CFAP47: variants seen among roughly 807,000 people sequenced by gnomAD.
CFAP47 encodes the protein cilia and flagella associated protein 47.
CFAP47 carries 29 observed loss-of-function variants against 148.1 expected under a neutral mutation model. The ratio of observed to expected loss-of-function variants is 0.20; its 90% CI spans 0.15 to 0.27. The LOEUF (loss-of-function observed/expected upper bound fraction) is 0.27. Ranked by LOEUF, CFAP47 falls within the 10% of genes least tolerant of loss-of-function variation. CFAP47 has a pLI of 1.00. For missense variants in CFAP47, 1,872 were observed against 1,697.5 expected, an observed-to-expected ratio of 1.10 and a Z score of -1.81; for synonymous variants, 664 against 577.3, an observed-to-expected ratio of 1.15 and a Z score of -2.15.
intron 40 of CFAP47, 69 bp from the exon 41 acceptor site, chrX:36,188,551 C>G (rs1237632840): frequency 6.9e-6 from 2 of 291,416 alleles, no homozygotes; most frequent in South Asian, 2.1e-4. Flanking sequence ...TATGATTTAA[C>G]TAATATGAAG....
chrX:36,139,137 GA>G (rs1266803015), intron 35 of CFAP47, among the ~76,000 whole-genome samples: 2 of 111,431 alleles, frequency 1.8e-5, no homozygotes, highest in East Asian at 2.8e-4. Flanking sequence ...AATGGTCTAT[GA>G]AAAAAATGAA....
intron 30 of CFAP47, among the ~76,000 whole-genome samples, chrX:36,096,761 G>A (rs1938286299): frequency 9.1e-6 from 1 of 109,857 alleles, no homozygotes; most frequent in Non-Finnish European, 1.9e-5. Flanking sequence ...GTTTCTTGCG[G>A]CAACAGATCA....
chrX:36,008,279 C>T (rs186261124), intron 21 of CFAP47, among the ~76,000 whole-genome samples: 62 of 111,722 alleles, frequency 5.5e-4, no homozygotes, highest in African/African-American at 1.6e-3. Flanking sequence ...AGTGTCCCTA[C>T]GCTTCTATAA....
chrX:36,368,674 T>A (rs1444495667), intron 62 of CFAP47, among the ~76,000 whole-genome samples: 1 of 111,504 alleles, frequency 9.0e-6, no homozygotes, highest in African/African-American at 3.2e-5. Context: ...ACTAAATACC[T>A]GTGGGACTTT....
intron 57 of CFAP47, among the ~76,000 whole-genome samples, chrX:36,326,947 A>T (rs1239924700): frequency 9.0e-6 from 1 of 111,516 alleles, no homozygotes; most frequent in Non-Finnish European, 1.9e-5. Flanking sequence ...CCATATACAA[A>T]AATTAACGCA....
At chrX:36,169,616 C>A (rs1465785654) in intron 39 of CFAP47, among the ~76,000 whole-genome samples, 1 of 111,062 alleles carries the variant, frequency 9.0e-6, no homozygotes, top group Non-Finnish European at 1.9e-5. Flanking sequence ...CTAATTGGTT[C>A]TTTTGTATCA....
intron 1 of CFAP47, among the ~76,000 whole-genome samples, chrX:35,920,797 C>T (rs1935565814): frequency 2.7e-5 from 3 of 111,590 alleles, no homozygotes; most frequent in South Asian, 7.4e-4. Context: ...CAATAAATAA[C>T]TGAAAACTTC....
intron 26 of CFAP47, among the ~76,000 whole-genome samples, chrX:36,063,020 T>A (rs1937606786): frequency 8.9e-6 from 1 of 112,021 alleles, no homozygotes. Flanking sequence ...AACATTCACA[T>A]CGTATCTTTG....
intron 22 of CFAP47, among the ~76,000 whole-genome samples, chrX:36,024,921 G>A (rs972446620): frequency 9.0e-6 from 1 of 110,799 alleles, no homozygotes; most frequent in African/African-American, 3.3e-5. Context: ...TTGCAGGGAG[G>A]ACCTTCTGTT....
intron 22 of CFAP47, among the ~76,000 whole-genome samples, chrX:36,026,767 A>T (rs1937221550): frequency 9.1e-6 from 1 of 110,284 alleles, no homozygotes; most frequent in African/African-American, 3.3e-5. Context: ...GTTAACAAAA[A>T]ACTCTGATCA....
At chrX:36,086,842 G>A (rs1447970246) in intron 30 of CFAP47, among the ~76,000 whole-genome samples, 1 of 110,701 alleles carries the variant, frequency 9.0e-6, no homozygotes, top group Non-Finnish European at 1.9e-5. Flanking sequence ...CACTGGAGAG[G>A]CAGAAGAGTG....
chrX:36,233,471 A>T (rs375655675), intron 46 of CFAP47, among the ~76,000 whole-genome samples: 2 of 110,730 alleles, frequency 1.8e-5, no homozygotes, highest in African/African-American at 6.6e-5. Flanking sequence ...GGCTTGGTAG[A>T]TCTTCCTCCA....
chrX:36,165,789 T>C (rs1364921439), intron 39 of CFAP47, among the ~76,000 whole-genome samples: 1 of 111,485 alleles, frequency 9.0e-6, no homozygotes, highest in East Asian at 2.8e-4. Flanking sequence ...GGCCTACAGA[T>C]AGTTGTCTCC....
intron 48 of CFAP47, among the ~76,000 whole-genome samples, chrX:36,241,959 C>T (rs1366304016): frequency 9.0e-6 from 1 of 111,530 alleles, no homozygotes; most frequent in East Asian, 2.8e-4. Flanking sequence ...CCTCTCCCAC[C>T]ACAGAGCACA....
At chrX:35,985,545 T>A (rs1936702979) in intron 15 of CFAP47, among the ~76,000 whole-genome samples, 1 of 110,874 alleles carries the variant, frequency 9.0e-6, no homozygotes, top group South Asian at 3.8e-4. Context: ...TGGTCTGCTA[T>A]AGTTCCTTGA....
chrX:36,211,557 G>A, intron 45 of CFAP47: 1 of 306,213 alleles, frequency 3.3e-6, no homozygotes, highest in South Asian at 3.4e-5. Context: ...AAAGAAGGCT[G>A]TGAAGCTGAA....
chrX:36,243,886 T>C (rs782200882), intron 48 of CFAP47, among the ~76,000 whole-genome samples: 1 of 108,747 alleles, frequency 9.2e-6, no homozygotes, highest in African/African-American at 3.3e-5. Flanking sequence ...TTGGACCTAA[T>C]AGAAAGCTAT....
intron 10 of CFAP47, among the ~76,000 whole-genome samples, 188 bp downstream of exon 10, chrX:35,968,020 GTGTT>G (rs1387587986): frequency 9.1e-6 from 1 of 110,045 alleles, no homozygotes; most frequent in Non-Finnish European, 1.9e-5. Flanking sequence ...GAATGCCACT[GTGTT>G]TGTTTTCGGT....
Position 35,951,877 on chromosome X carries a change from T to C in CFAP47, c.960T>C (p.Asp320=). Residue 320 remains aspartate, a synonymous_variant, in exon 6 of 64, where the codon GAT becomes GAC. Transcript: ENST00000378653. ...ACATAAGAAAAATAAAGAACATAGA[T>C]ACTACTATCATTATCTCCTGTCTTC... The part of the protein sequence containing the change: ...LTYIRKIKNI[D]TTIIISCLPN... 7 of 1,175,395 alleles carry C rather than the reference T, an allele frequency of 6.0e-6. No individual in the cohort carries two copies. The highest frequency in any genetic ancestry group is 7.9e-6 in the Non-Finnish European group (7 of 884,589).
Sources: allele counts gnomAD v4.1 joint callset (sites outside exome capture counted in the v4.1 genomes callset), GRCh38; gene constraint gnomAD v4.1.1; transcripts MANE v1.5; gene names NCBI Gene and HGNC (gene_info 2026-07-23, HGNC 2026-07-21).